The following HTR2C variants were observed in gnomAD, a reference collection of about 807,000 sequenced individuals.
HTR2C encodes 5-hydroxytryptamine receptor 2C.
A neutral mutation model predicts 21.0 loss-of-function variants in HTR2C; 5 were observed. That is an observed-to-expected ratio of 0.24 (90% CI 0.12 to 0.50). The LOEUF (loss-of-function observed/expected upper bound fraction) is 0.50. HTR2C is among the 20% of genes least tolerant of loss of function. The pLI, the probability that HTR2C is intolerant of heterozygous loss-of-function variation, is 0.98. For synonymous variants in HTR2C, 150 were observed against 145.3 expected, an observed-to-expected ratio of 1.03 and a Z score of -0.23; for missense variants, 271 against 371.2, an observed-to-expected ratio of 0.73 and a Z score of 2.22.
At chrX:114,876,858 T>G (rs961637653) in intron 5 of HTR2C, among the ~76,000 whole-genome samples, 1 of 25,411 alleles carries the variant, frequency 3.9e-5, no homozygotes, top group Non-Finnish European at 7.6e-5. Flanking sequence ...GTTTGTTTGT[T>G]TGAGATTTTT....
At chrX:114,656,854 A>G (rs1930799734) in intron 2 of HTR2C, among the ~76,000 whole-genome samples, 1 of 110,761 alleles carries the variant, frequency 9.0e-6, no homozygotes, top group African/African-American at 3.3e-5. Context: ...TTTCACTTCA[A>G]TCTTAGCCAA....
intron 2 of HTR2C, among the ~76,000 whole-genome samples, chrX:114,678,651 T>C (rs1278010712): frequency 9.0e-6 from 1 of 111,547 alleles, no homozygotes; most frequent in Non-Finnish European, 1.9e-5. Context: ...CTTGTGAGGC[T>C]CAAATGAGAT....
At chrX:114,805,814 A>ATG (rs1556448847) in intron 4 of HTR2C, among the ~76,000 whole-genome samples, 4 of 99,168 alleles carry the variant, frequency 4.0e-5, no homozygotes, top group African/African-American at 3.7e-5. Context: ...TATATACACC[A>ATG]TATATATACC....
Position 114,588,497 on chromosome X carries a change from G to A in HTR2C, c.-147+3838G>A, listed in dbSNP as rs190392830. On this transcript the variant is annotated intron_variant, in intron 1 of 5. Transcript: ENST00000276198. ...GTTGAATTAGCGTTAATGGCAAGGT[G>A]TGGGGTTGAGCTCAATGTAAAAATA... 2.1e-4 allele frequency among the ~76,000 whole-genome samples: 23 copies of A among 111,927 alleles called. No homozygotes were observed. The Admixed American group carries it at 2.2e-3, about 11-fold the overall frequency.
At chrX:114,734,070 G>A (rs188367613) in intron 4 of HTR2C, among the ~76,000 whole-genome samples, 2 of 111,234 alleles carry the variant, frequency 1.8e-5, no homozygotes, top group East Asian at 5.7e-4. Context: ...AAATAGGACA[G>A]CATGAAGGAA....
At chrX:114,645,026 C>T (rs782782828) in intron 2 of HTR2C, among the ~76,000 whole-genome samples, 180 of 110,247 alleles carry the variant, frequency 1.6e-3, no homozygotes, top group African/African-American at 5.6e-3. Context: ...GGATTATGGG[C>T]AACTGGAAGG....
chrX:114,651,207 G>T (rs1602664013), intron 2 of HTR2C, among the ~76,000 whole-genome samples: 1 of 111,429 alleles, frequency 9.0e-6, no homozygotes, highest in African/African-American at 3.3e-5. Context: ...ACTACTTTTG[G>T]TTTAGTCTTC....
chrX:114,680,106 G>C (rs1371996387), intron 2 of HTR2C, among the ~76,000 whole-genome samples: 4 of 112,207 alleles, frequency 3.6e-5, no homozygotes, highest in Non-Finnish European at 5.6e-5. Flanking sequence ...AAAGGAAATT[G>C]TTTCATCTTT....
At chrX:114,683,817 C>G (rs1278439670) in intron 2 of HTR2C, among the ~76,000 whole-genome samples, 1 of 111,075 alleles carries the variant, frequency 9.0e-6, no homozygotes, top group Non-Finnish European at 1.9e-5. Flanking sequence ...CAAAACAAAA[C>G]AAAAAAAGAA....
intron 4 of HTR2C, among the ~76,000 whole-genome samples, chrX:114,762,540 C>T (rs1364118539): frequency 1.8e-5 from 2 of 111,487 alleles, no homozygotes; most frequent in Non-Finnish European, 1.9e-5. Flanking sequence ...CAAAGTGAAA[C>T]AATTTTCTTG....
chrX:114,780,622 A>C (rs1272981297), intron 4 of HTR2C, among the ~76,000 whole-genome samples: 1 of 111,538 alleles, frequency 9.0e-6, no homozygotes. Flanking sequence ...TTTAAACCAC[A>C]AGCCAGAACT....
intron 5 of HTR2C, among the ~76,000 whole-genome samples, chrX:114,861,158 C>A (rs2071003468): frequency 5.4e-5 from 6 of 111,272 alleles, no homozygotes; most frequent in Admixed American, 4.8e-4. Flanking sequence ...GCCTACATAT[C>A]TACTACTTTG....
chrX:114,615,793 C>A (rs1442827300), intron 2 of HTR2C, among the ~76,000 whole-genome samples: 1 of 111,899 alleles, frequency 8.9e-6, no homozygotes, highest in Non-Finnish European at 1.9e-5. Context: ...GGCCTGTGCA[C>A]CCCTCTTTGT....
At chrX:114,783,748 C>A (rs1184069589) in intron 4 of HTR2C, among the ~76,000 whole-genome samples, 1 of 110,076 alleles carries the variant, frequency 9.1e-6, no homozygotes, top group Non-Finnish European at 1.9e-5. Context: ...GTTCTCTGAC[C>A]GTAAACATAT....
chrX:114,867,404 T>C (rs2071054101), intron 5 of HTR2C, among the ~76,000 whole-genome samples: 2 of 111,615 alleles, frequency 1.8e-5, no homozygotes, highest in African/African-American at 6.5e-5. Context: ...TTCTGCTTAT[T>C]AATGCCTTGT....
intron 4 of HTR2C, among the ~76,000 whole-genome samples, chrX:114,796,027 T>A (rs2070289792): frequency 9.0e-6 from 1 of 111,636 alleles, no homozygotes; most frequent in South Asian, 3.7e-4. Flanking sequence ...TTGAGTTTTC[T>A]TCTTAAGATA....
chrX:114,714,709 T>C (rs1363662360), intron 2 of HTR2C, among the ~76,000 whole-genome samples: 1 of 112,008 alleles, frequency 8.9e-6, no homozygotes, highest in African/African-American at 3.2e-5. Flanking sequence ...GTCAACAATT[T>C]AGCAAGAAAA....
At chrX:114,649,832 A>T (rs1001825562) in intron 2 of HTR2C, among the ~76,000 whole-genome samples, 8 of 110,519 alleles carry the variant, frequency 7.2e-5, no homozygotes, top group Non-Finnish European at 1.5e-4. Context: ...CCAGGCTGGT[A>T]ACGAACTCCT....
At chrX:114,830,936 G>T (rs1430943183) in intron 4 of HTR2C, among the ~76,000 whole-genome samples, 49 of 77,693 alleles carry the variant, frequency 6.3e-4, no homozygotes, top group African/African-American at 2.1e-3. Flanking sequence ...CTATGAGTGA[G>T]AATATGCGGT....
Sources: allele counts gnomAD v4.1 joint callset (sites outside exome capture counted in the v4.1 genomes callset), GRCh38; gene constraint gnomAD v4.1.1; transcripts MANE v1.5; gene names NCBI Gene and HGNC (gene_info 2026-07-23, HGNC 2026-07-21).